Variants in ZBTB7C observed in about 807,000 individuals in gnomAD.
The protein encoded by ZBTB7C is zinc finger and BTB domain-containing protein 7C.
A neutral mutation model predicts 25.7 loss-of-function variants in ZBTB7C; 8 were observed. The ratio of observed to expected loss-of-function variants is 0.31; its 90% CI spans 0.18 to 0.56. ZBTB7C has a LOEUF of 0.56. ZBTB7C is among the 20% of genes least tolerant of loss of function. The pLI, the probability that ZBTB7C is intolerant of heterozygous loss-of-function variation, is 0.91. For missense variants in ZBTB7C, 824 were observed against 855.2 expected (o/e 0.96, Z 0.46); for synonymous variants, 394 against 369.0 (o/e 1.07, Z -0.78).
chr18:48,143,055 G>C (rs573684016), intron 3 of ZBTB7C, among the ~76,000 whole-genome samples: 1 of 152,218 alleles, frequency 6.6e-6, no homozygotes, highest in East Asian at 1.9e-4. Context: ...CATGAACTCA[G>C]GTGGGTGAGT....
chr18:48,225,067 C>T (rs1199530511), intron 2 of ZBTB7C, among the ~76,000 whole-genome samples: 1 of 152,200 alleles, frequency 6.6e-6, no homozygotes, highest in Non-Finnish European at 1.5e-5. Context: ...TCCAGGTAAT[C>T]CAGGTGGCTT....
intron 2 of ZBTB7C, 33 bp from the exon 3 acceptor site, chr18:48,186,028 T>C (rs2042044702): frequency 1.3e-5 from 2 of 152,300 alleles, no homozygotes; most frequent in African/African-American, 4.8e-5. Context: ...GAGAATCATA[T>C]TAGCATCTGC....
chr18:48,309,356 T>C lies in ZBTB7C; in HGVS notation c.-79+28818A>G, dbSNP rs2045756542. ...AGCAATTTTCAACAGAATTACAATC[T>C]TTTCTTTAAAAGCTACTGCTGCCCT... On this transcript the variant is annotated intron_variant, in intron 2 of 4. Transcript: ENST00000590800. Among the ~76,000 whole-genome samples the C allele has an allele frequency of 3.9e-5, 6 of 152,252 alleles. No homozygotes were observed. In the South Asian group the frequency reaches 1.2e-3, roughly 32 times the overall value.
At chr18:48,324,577 T>C (rs1598873626) in intron 2 of ZBTB7C, among the ~76,000 whole-genome samples, 1 of 152,020 alleles carries the variant, frequency 6.6e-6, no homozygotes, top group African/African-American at 2.4e-5. Flanking sequence ...TGGGAGGTGA[T>C]GAGTTCATAA....
intron 2 of ZBTB7C, among the ~76,000 whole-genome samples, chr18:48,229,603 G>T (rs2145340985): frequency 6.6e-6 from 1 of 152,326 alleles, no homozygotes; most frequent in African/African-American, 2.4e-5. Context: ...CCATTACTCA[G>T]ATAGAGATCG....
At chr18:48,396,027 G>A (rs1162056309) in intron 1 of ZBTB7C, among the ~76,000 whole-genome samples, 1 of 152,188 alleles carries the variant, frequency 6.6e-6, no homozygotes, top group Non-Finnish European at 1.5e-5. Context: ...GTAGAACACA[G>A]GATGATTTAG....
In ZBTB7C at chr18:48,345,543, G is replaced by GC. The variant is rs559111382; in HGVS notation, c.-303-7146dup. On this transcript the variant is annotated intron_variant, in intron 1 of 4. Coordinates refer to ENST00000590800, the MANE Select transcript of ZBTB7C (RefSeq NM_001318841.2). ...TGTGCTTTCCTGGCATACCAGCACC[G>GC]CCCCCCACACCCCCAGACCTCCATC... Among the ~76,000 whole-genome samples, 39 of 151,938 alleles carry GC rather than the reference G, an allele frequency of 2.6e-4. 1 individual carries two copies. In the East Asian group the frequency reaches 6.8e-3, roughly 26 times the overall value.
intron 3 of ZBTB7C, among the ~76,000 whole-genome samples, chr18:48,152,040 GGTGA>G (rs2040695813): frequency 6.6e-6 from 1 of 152,170 alleles, no homozygotes; most frequent in African/African-American, 2.4e-5. Context: ...TGGGCAAGGG[GGTGA>G]GTTGGCCTGC....
intron 2 of ZBTB7C, among the ~76,000 whole-genome samples, chr18:48,190,972 G>A (rs1312434099): frequency 1.3e-5 from 2 of 152,186 alleles, no homozygotes; most frequent in Non-Finnish European, 2.9e-5. Flanking sequence ...TCTCTTTTGG[G>A]GAAAACAAGT....
intron 1 of ZBTB7C, among the ~76,000 whole-genome samples, chr18:48,387,021 G>T (rs577236641): frequency 1.8e-4 from 27 of 152,192 alleles, no homozygotes; most frequent in Non-Finnish European, 3.2e-4. Context: ...GGAGTAGGAG[G>T]CATGTGTGGT....
At chr18:48,031,471 T>A (rs149481313) in intron 4 of ZBTB7C, among the ~76,000 whole-genome samples, 14 of 152,320 alleles carry the variant, frequency 9.2e-5, no homozygotes, top group African/African-American at 3.4e-4. Flanking sequence ...TCCCACCCCC[T>A]ACCAGCATGC....
chr18:48,166,301 T>C (rs529724943), intron 3 of ZBTB7C, among the ~76,000 whole-genome samples: 1 of 152,174 alleles, frequency 6.6e-6, no homozygotes, highest in Non-Finnish European at 1.5e-5. Flanking sequence ...TTGCTTCTTC[T>C]ATTTATTTAT....
intron 3 of ZBTB7C, among the ~76,000 whole-genome samples, chr18:48,097,843 A>G (rs1417259762): frequency 1.3e-5 from 2 of 151,704 alleles, no homozygotes; most frequent in African/African-American, 4.8e-5. Flanking sequence ...TTTCAGCTTA[A>G]GCTACCTTGA....
At chr18:48,138,595 GT>G (rs1369534806) in intron 3 of ZBTB7C, among the ~76,000 whole-genome samples, 1 of 152,094 alleles carries the variant, frequency 6.6e-6, no homozygotes, top group Non-Finnish European at 1.5e-5. Flanking sequence ...CCAGGATGTG[GT>G]GGGGAGAGGC....
At chr18:48,217,195 C>T (rs1317372316) in intron 2 of ZBTB7C, among the ~76,000 whole-genome samples, 1 of 152,170 alleles carries the variant, frequency 6.6e-6, no homozygotes, top group Non-Finnish European at 1.5e-5. Flanking sequence ...ATGACCTCAC[C>T]CACTCAACTC....
intron 3 of ZBTB7C, among the ~76,000 whole-genome samples, chr18:48,084,345 C>T (rs150306585): frequency 3.9e-5 from 6 of 152,184 alleles, no homozygotes; most frequent in African/African-American, 9.7e-5. Flanking sequence ...TAGGTCTCTT[C>T]GCCCTGTTGT....
At chr18:48,160,984 TTTGA>T (rs2144948472) in intron 3 of ZBTB7C, among the ~76,000 whole-genome samples, 1 of 150,478 alleles carries the variant, frequency 6.6e-6, no homozygotes, top group South Asian at 2.1e-4. Flanking sequence ...GGGGGTCGTC[TTTGA>T]TTGCAGACAC....
At chr18:48,254,133 T>A (rs984654807) in intron 2 of ZBTB7C, among the ~76,000 whole-genome samples, 2 of 152,232 alleles carry the variant, frequency 1.3e-5, no homozygotes. Flanking sequence ...AGGTTTTCCT[T>A]TTTAACGAAA....
intron 3 of ZBTB7C, among the ~76,000 whole-genome samples, chr18:48,120,217 G>T: frequency 6.6e-6 from 1 of 152,182 alleles, no homozygotes. Context: ...TGGTTTAAAA[G>T]ATGACTCTGG....
Sources: gnomAD v4.1 joint callset for allele counts (sites outside exome capture counted in the v4.1 genomes callset) on GRCh38, gnomAD v4.1.1 for gene constraint, MANE v1.5 for transcripts, NCBI Gene and HGNC (gene_info 2026-07-23, HGNC 2026-07-21) for gene names.